The following SETBP1 variants were observed in gnomAD, a reference collection of about 807,000 sequenced individuals.
SETBP1 encodes SET-binding protein.
SETBP1 carries 9 observed loss-of-function variants against 101.0 expected under a neutral mutation model. The ratio of observed to expected loss-of-function variants is 0.09; its 90% confidence interval spans 0.05 to 0.16. The LOEUF is 0.16. Among genes scored for constraint, SETBP1 ranks in the 10% least tolerant of loss-of-function variants. The pLI is 1.00. For missense variants in SETBP1, 1,858 were observed against 2,033.8 expected (o/e 0.91, Z 1.66); for synonymous variants, 818 against 788.5 (o/e 1.04, Z -0.63).
At chr18:44,973,124 AT>A (rs2071906608) in intron 4 of SETBP1, among the ~76,000 whole-genome samples, 1 of 152,154 alleles carries the variant, frequency 6.6e-6, no homozygotes, top group Non-Finnish European at 1.5e-5. Context: ...TTCTGCATCT[AT>A]TGAGATAATC....
At chr18:44,738,329 T>A (rs2070017202) in intron 2 of SETBP1, among the ~76,000 whole-genome samples, 1 of 152,236 alleles carries the variant, frequency 6.6e-6, no homozygotes. Flanking sequence ...GTGTCCATGC[T>A]GCTGGTGATC....
chr18:44,785,608 T>A (rs1343756282), intron 2 of SETBP1, among the ~76,000 whole-genome samples: 1 of 152,220 alleles, frequency 6.6e-6, no homozygotes, highest in East Asian at 1.9e-4. Context: ...GTCCCTAGAC[T>A]TGTCAGCCCT....
At chr18:44,889,850 C>A (rs1286974052) in intron 3 of SETBP1, among the ~76,000 whole-genome samples, 1 of 152,130 alleles carries the variant, frequency 6.6e-6, no homozygotes, top group African/African-American at 2.4e-5. Flanking sequence ...CTTCTGCAAT[C>A]CCTATTTCTC....
chr18:44,904,735 T>A (rs2070133430), intron 3 of SETBP1, among the ~76,000 whole-genome samples: 1 of 152,190 alleles, frequency 6.6e-6, no homozygotes, highest in South Asian at 2.1e-4. Flanking sequence ...TACTTCTCCA[T>A]GCAGTGACTC....
chr18:44,784,615 T>C (rs1042469497), intron 2 of SETBP1, among the ~76,000 whole-genome samples: 1 of 152,258 alleles, frequency 6.6e-6, no homozygotes, highest in Non-Finnish European at 1.5e-5. Flanking sequence ...TTTGTTTACA[T>C]TATCATGGTC....
intron 4 of SETBP1, among the ~76,000 whole-genome samples, chr18:45,038,104 T>G (rs1457543923): frequency 2.6e-5 from 4 of 152,162 alleles, no homozygotes; most frequent in Admixed American, 2.6e-4. Context: ...TGAGAAGTCT[T>G]ACTAGGGTGG....
chr18:44,688,635 G>C (rs2068877232), intron 1 of SETBP1, among the ~76,000 whole-genome samples: 1 of 151,988 alleles, frequency 6.6e-6, no homozygotes, highest in Admixed American at 6.6e-5. Flanking sequence ...TATATTTGTT[G>C]TAGAGACGGG....
chr18:44,794,994 A>G (rs1599138070), intron 2 of SETBP1, among the ~76,000 whole-genome samples: 1 of 152,306 alleles, frequency 6.6e-6, no homozygotes, highest in East Asian at 1.9e-4. Context: ...AATGTGGCAG[A>G]GGCCCTCCCC....
chr18:44,802,987 G>A (rs1471130975), intron 2 of SETBP1, among the ~76,000 whole-genome samples: 1 of 152,076 alleles, frequency 6.6e-6, no homozygotes, highest in African/African-American at 2.4e-5. Context: ...TTGGGCCTGG[G>A]TGTCCTTGAG....
chr18:44,880,516 T>C (rs1279733615), intron 3 of SETBP1, among the ~76,000 whole-genome samples: 2 of 152,216 alleles, frequency 1.3e-5, no homozygotes, highest in African/African-American at 4.8e-5. Flanking sequence ...TGTATCGTTA[T>C]AAAGAAATAT....
At chr18:44,715,253 GC>G (rs1243319615) in intron 2 of SETBP1, among the ~76,000 whole-genome samples, 15 of 152,190 alleles carry the variant, frequency 9.9e-5, no homozygotes, top group African/African-American at 3.6e-4. Context: ...GACCCACAGC[GC>G]CTTTCTTGAC....
At chr18:44,845,909 G>A (rs1158024949) in intron 2 of SETBP1, among the ~76,000 whole-genome samples, 1 of 152,148 alleles carries the variant, frequency 6.6e-6, no homozygotes, top group Non-Finnish European at 1.5e-5. Context: ...CTCTTCCCAG[G>A]GTAAATAAGA....
At chr18:44,838,703 G>A (rs1008231120) in intron 2 of SETBP1, among the ~76,000 whole-genome samples, 3 of 152,206 alleles carry the variant, frequency 2.0e-5, no homozygotes, top group Non-Finnish European at 4.4e-5. Flanking sequence ...TATGGGGTGG[G>A]CTGGATAGAA....
At chr18:44,881,201 T>C (rs1599268934) in intron 3 of SETBP1, among the ~76,000 whole-genome samples, 1 of 152,322 alleles carries the variant, frequency 6.6e-6, no homozygotes, top group East Asian at 1.9e-4. Context: ...CATGATTTTA[T>C]GGTATAACAG....
chr18:44,779,248 C>T (rs1349691967), intron 2 of SETBP1, among the ~76,000 whole-genome samples: 1 of 152,166 alleles, frequency 6.6e-6, no homozygotes, highest in Non-Finnish European at 1.5e-5. Flanking sequence ...GTTTTCTTCT[C>T]ATATACACTG....
chr18:45,019,080 A>G (rs973489107), intron 4 of SETBP1, among the ~76,000 whole-genome samples: 4 of 152,180 alleles, frequency 2.6e-5, no homozygotes, highest in African/African-American at 9.7e-5. Context: ...ACCACTGGAG[A>G]CAGGAAGCCT....
intron 4 of SETBP1, among the ~76,000 whole-genome samples, chr18:45,019,825 T>C (rs912283969): frequency 6.6e-6 from 1 of 152,132 alleles, no homozygotes. Flanking sequence ...AGGACATGCA[T>C]AAAAAACACC....
At position 45,023,507 on chromosome 18, in the gene SETBP1, G is replaced by A. The variant is rs74497125; in HGVS notation, c.4001-14978G>A. On this transcript the variant is annotated intron_variant, in intron 4 of 5. Coordinates refer to ENST00000649279, the MANE Select transcript of SETBP1 (RefSeq NM_015559.3). ...AAACTTTTACTGAATAAATTAACAC[G>A]TGCACAAAACTGCTTCCTTATAGCC... Among the ~76,000 whole-genome samples the A allele has an allele frequency of 3.8e-3, 572 of 152,300 alleles. 1 individual carries two copies. The highest frequency in any genetic ancestry group is 0.011 in the African/African-American group (465 of 41,558).
chr18:44,835,854 A>G (rs1376552190), intron 2 of SETBP1, among the ~76,000 whole-genome samples: 1 of 152,234 alleles, frequency 6.6e-6, no homozygotes, highest in African/African-American at 2.4e-5. Flanking sequence ...TTGCATTTTT[A>G]AAAGAAGGCC....
Sources: gnomAD v4.1 joint callset for allele counts (sites outside exome capture counted in the v4.1 genomes callset) on GRCh38, gnomAD v4.1.1 for gene constraint, MANE v1.5 for transcripts, NCBI Gene and HGNC (gene_info 2026-07-23, HGNC 2026-07-21) for gene names.